TMEM123: variants seen among roughly 807,000 people sequenced by gnomAD.
TMEM123 encodes porimin.
In TMEM123, 16 loss-of-function variants were observed where a neutral mutation model predicts 19.7. The ratio of observed to expected loss-of-function variants is 0.81; its 90% CI spans 0.55 to 1.23. The LOEUF (loss-of-function observed/expected upper bound fraction) is 1.23. Among genes scored for constraint, TMEM123 ranks in the 50% most tolerant of loss-of-function variants. The pLI, the probability that TMEM123 is intolerant of heterozygous loss-of-function variation, is 0.00. For missense variants in TMEM123, 313 were observed against 257.8 expected (o/e 1.21, Z -1.47); for synonymous variants, 118 against 99.4 (o/e 1.19, Z -1.12).
At position 102,425,657 on chromosome 11, in the gene TMEM123, C is replaced by T. The variant is rs545649322; in HGVS notation, c.157+23155G>A. Among the ~76,000 whole-genome samples, 55 of 147,364 alleles carry T rather than the reference C, an allele frequency of 3.7e-4. 1 individual carries two copies. In the South Asian group the frequency reaches 0.01, roughly 27 times the overall value. ...GAAGTGCAGTGGCATGGTTGCAGCTCACTGTAGCCTCAACCTCCCAGGCTC... is the reference window on the plus strand; with the variant it reads ...GAAGTGCAGTGGCATGGTTGCAGCTTACTGTAGCCTCAACCTCCCAGGCTC... On this transcript the variant is annotated intron_variant, in intron 2 of 4. Transcript: ENST00000398136.
chr11:102,399,459 GTTTCT>G (rs889944952), intron 4 of TMEM123, among the ~76,000 whole-genome samples: 87 of 152,120 alleles, frequency 5.7e-4, no homozygotes, highest in African/African-American at 2.1e-3. Context: ...TTTAGTCATG[GTTTCT>G]TTTATGTATT....
intron 2 of TMEM123, among the ~76,000 whole-genome samples, chr11:102,418,342 A>C (rs1262534339): frequency 2.6e-5 from 4 of 152,218 alleles, no homozygotes; most frequent in African/African-American, 9.6e-5. Context: ...ACAGGCAAAA[A>C]ACAACCCTTA....
At chr11:102,408,017 C>T (rs1192611689) in intron 2 of TMEM123, among the ~76,000 whole-genome samples, 2 of 152,174 alleles carry the variant, frequency 1.3e-5, no homozygotes, top group Non-Finnish European at 2.9e-5. Context: ...TGAAACTAGT[C>T]ACCATGATAT....
intron 2 of TMEM123, among the ~76,000 whole-genome samples, chr11:102,430,311 C>T (rs1857682395): frequency 6.6e-6 from 1 of 152,206 alleles, no homozygotes; most frequent in African/African-American, 2.4e-5. Flanking sequence ...ACTGTTTCAA[C>T]AAAAACAGCA....
chr11:102,445,559 G>A (rs1857876586), intron 2 of TMEM123, among the ~76,000 whole-genome samples: 1 of 152,194 alleles, frequency 6.6e-6, no homozygotes, highest in African/African-American at 2.4e-5. Flanking sequence ...GAAGAAGGTA[G>A]TGTGACATAC....
chr11:102,442,903 A>C (rs1003060350), intron 2 of TMEM123, among the ~76,000 whole-genome samples: 13 of 152,024 alleles, frequency 8.6e-5, no homozygotes, highest in African/African-American at 1.7e-4. Flanking sequence ...ACACCAATAA[A>C]AGACAAACAG....
At chr11:102,418,471 G>A (rs1952059259) in intron 2 of TMEM123, among the ~76,000 whole-genome samples, 1 of 152,058 alleles carries the variant, frequency 6.6e-6, no homozygotes, top group African/African-American at 2.4e-5. Flanking sequence ...CAGTGAGAAA[G>A]CATCTCACAC....
intron 2 of TMEM123, among the ~76,000 whole-genome samples, chr11:102,404,614 T>A (rs1217895911): frequency 1.3e-5 from 2 of 152,104 alleles, no homozygotes; most frequent in Non-Finnish European, 2.9e-5. Flanking sequence ...TTATTACTAT[T>A]TTTGAAACAG....
At chr11:102,430,161 C>T (rs530034122) in intron 2 of TMEM123, among the ~76,000 whole-genome samples, 1 of 152,218 alleles carries the variant, frequency 6.6e-6, no homozygotes, top group African/African-American at 2.4e-5. Flanking sequence ...TGTGGCAATT[C>T]TCCCCTGTTA....
At chr11:102,450,685 T>C (rs1857928743) in intron 1 of TMEM123, among the ~76,000 whole-genome samples, 1 of 152,254 alleles carries the variant, frequency 6.6e-6, no homozygotes, top group African/African-American at 2.4e-5. Context: ...TGGATTTTGA[T>C]CTGAAACCAA....
At chr11:102,447,601 A>T (rs1446880495) in intron 2 of TMEM123, among the ~76,000 whole-genome samples, 1 of 152,240 alleles carries the variant, frequency 6.6e-6, no homozygotes, top group African/African-American at 2.4e-5. Flanking sequence ...GTGCAGAATT[A>T]GATTCAATAA....
intron 2 of TMEM123, among the ~76,000 whole-genome samples, chr11:102,445,922 G>A (rs780491988): frequency 2.0e-5 from 3 of 152,166 alleles, no homozygotes; most frequent in Non-Finnish European, 4.4e-5. Context: ...AATGGCAATC[G>A]TAATAAATGG....
chr11:102,432,340 G>C (rs1032442155), intron 2 of TMEM123, among the ~76,000 whole-genome samples: 4 of 152,214 alleles, frequency 2.6e-5, no homozygotes, highest in Non-Finnish European at 4.4e-5. Context: ...ATGAAGTCCA[G>C]GCTGAGGTGG....
At chr11:102,450,651 T>A (rs1857928514) in intron 1 of TMEM123, among the ~76,000 whole-genome samples, 3 of 152,246 alleles carry the variant, frequency 2.0e-5, no homozygotes, top group South Asian at 4.1e-4. Context: ...CGCGGCTTAG[T>A]GGTGAAATGG....
At position 102,401,898 on chromosome 11, in the gene TMEM123, G is replaced by A. The variant is rs557102990; in HGVS notation, c.448+18C>T. Reference sequence around the variant, plus strand: ...CTACTTGCAGCATAGGAAAAAAAAGGTCAGCTTTAATACATACTTGTTACT... The same window carrying A: ...CTACTTGCAGCATAGGAAAAAAAAGATCAGCTTTAATACATACTTGTTACT... On this transcript the variant is annotated intron_variant, in intron 3 of 4. Coordinates refer to ENST00000398136, the MANE Select transcript of TMEM123 (RefSeq NM_052932.3). The A allele has an allele frequency of 1.7e-5, 28 of 1,603,220 alleles. No homozygotes were observed. Among genetic ancestry groups the A allele is most frequent in the Non-Finnish European group, 2.3e-5 (27 of 1,172,546 alleles).
intron 2 of TMEM123, among the ~76,000 whole-genome samples, chr11:102,422,559 GT>G (rs1389462641): frequency 6.6e-6 from 1 of 152,094 alleles, no homozygotes; most frequent in Non-Finnish European, 1.5e-5. Flanking sequence ...CCCAAAAAGT[GT>G]GCCCCTCCTC....
intron 2 of TMEM123, among the ~76,000 whole-genome samples, chr11:102,439,201 T>C (rs1243151661): frequency 6.6e-6 from 1 of 152,140 alleles, no homozygotes; most frequent in African/African-American, 2.4e-5. Flanking sequence ...TAGAAACTTC[T>C]GCAGACTTAA....
At chr11:102,401,715 AG>A (rs752541398) in intron 3 of TMEM123, 23 bp from the exon 4 acceptor site, 2 of 1,564,704 alleles carry the variant, frequency 1.3e-6, no homozygotes, top group South Asian at 2.4e-5. Flanking sequence ...AAAACAAAAA[AG>A]GGCTTTAGCG....
chr11:102,436,438 C>T (rs1404966623), intron 2 of TMEM123, among the ~76,000 whole-genome samples: 1 of 152,004 alleles, frequency 6.6e-6, no homozygotes, highest in Non-Finnish European at 1.5e-5. Flanking sequence ...GCTGGGATTA[C>T]AGGCGTGAGC....
Sources: allele counts gnomAD v4.1 joint callset (sites outside exome capture counted in the v4.1 genomes callset), GRCh38; gene constraint gnomAD v4.1.1; transcripts MANE v1.5; gene names NCBI Gene and HGNC (gene_info 2026-07-23, HGNC 2026-07-21).